GRHL1: variants seen among roughly 807,000 people sequenced by gnomAD.
The protein encoded by GRHL1 is grainyhead-like protein 1 homolog.
GRHL1 carries 38 observed loss-of-function variants against 75.7 expected under a neutral mutation model. That is an observed-to-expected ratio of 0.50 (90% CI 0.39 to 0.66). GRHL1 has a LOEUF of 0.66. Ranked by LOEUF, GRHL1 falls within the 30% of genes least tolerant of loss-of-function variation. GRHL1 has a pLI of 0.00. For missense variants in GRHL1, 589 were observed against 767.5 expected, an observed-to-expected ratio of 0.77 and a Z score of 2.75; for synonymous variants, 266 against 279.4, an observed-to-expected ratio of 0.95 and a Z score of 0.48.
chr2:9,958,484 G>A (rs773011395), intron 2 of GRHL1, among the ~76,000 whole-genome samples: 3 of 143,368 alleles, frequency 2.1e-5, no homozygotes, highest in Admixed American at 2.0e-4. Flanking sequence ...TGTGGCCAGC[G>A]GAGGTATTTT....
intron 10 of GRHL1, among the ~76,000 whole-genome samples, chr2:9,991,630 A>C (rs975813740): frequency 1.3e-5 from 2 of 152,200 alleles, no homozygotes; most frequent in African/African-American, 4.8e-5. Context: ...TTGGAATGTA[A>C]ATTATTTAAT....
intron 12 of GRHL1, among the ~76,000 whole-genome samples, 172 bp from the exon 13 acceptor site, chr2:9,995,707 C>T (rs1043295332): frequency 6.6e-6 from 1 of 152,182 alleles, no homozygotes; most frequent in Non-Finnish European, 1.5e-5. Flanking sequence ...TCCATGAGCC[C>T]TGGAGTCAGG....
chr2:9,951,743 AGCCGCC>A lies in GRHL1; in HGVS notation c.-81_-76del. On this transcript the variant is annotated 5_prime_UTR_variant, in exon 1 of 16. Transcript: ENST00000324907. The surrounding 1 kb of genome is among the most constrained non-coding windows in gnomAD (Gnocchi z 4.2). ...GTCGGGGCCGCCGCTCCGGACCCGC[AGCCGCC>A]GCCGCCGCCTCCTCCCCCCGGATCG... is the stretch of plus-strand genomic sequence containing the variant. 8.1e-7 allele frequency: 1 copy of A among 1,233,064 alleles called. No individual in the cohort carries two copies. The highest frequency in any genetic ancestry group is 1.1e-6 in the Non-Finnish European group (1 of 900,104). 76.4% of individuals were successfully genotyped at this position (1,233,064 alleles called of 1,614,324 possible). A position where few individuals can be genotyped will look rare whatever the true frequency, so the allele number is the denominator to read the frequency against.
intron 12 of GRHL1, among the ~76,000 whole-genome samples, chr2:9,995,540 G>A (rs1432336495): frequency 6.7e-6 from 1 of 149,728 alleles, no homozygotes. Flanking sequence ...ATCCATGATT[G>A]CACCACTGCA....
chr2:9,964,214 G>A lies in GRHL1; in HGVS notation c.904-21G>A, dbSNP rs182044372. 2.7e-6 allele frequency: 4 copies of A among 1,454,546 alleles called. No homozygotes were observed. The African/African-American group carries it at 5.6e-5, about 20-fold the overall frequency. 90.1% of individuals were successfully genotyped at this position (1,454,546 alleles called of 1,614,324 possible). A position where few individuals can be genotyped will look rare whatever the true frequency, so the allele number is the denominator to read the frequency against. On this transcript the variant is annotated intron_variant, in intron 6 of 15. Transcript: ENST00000324907. ...ACTCACCCTTTAGTGTCTTTATGTT[G>A]TAATGCATTCTCTTTCACAGAGTGT...
chr2:9,981,119 T>A (rs1327068244), intron 8 of GRHL1, among the ~76,000 whole-genome samples: 1 of 152,260 alleles, frequency 6.6e-6, no homozygotes. Flanking sequence ...CTTGTGTTTC[T>A]ACACTCGCCA....
At chr2:9,952,090 A>C (rs1666807053) in intron 1 of GRHL1, among the ~76,000 whole-genome samples, 1 of 142,822 alleles carries the variant, frequency 7.0e-6, no homozygotes, top group African/African-American at 2.8e-5. Context: ...TCGACACCGG[A>C]GGGGCCACCC....
intron 5 of GRHL1, among the ~76,000 whole-genome samples, chr2:9,963,308 A>G (rs1188477660): frequency 6.6e-6 from 1 of 152,220 alleles, no homozygotes; most frequent in Non-Finnish European, 1.5e-5. Context: ...GCCATAGGTA[A>G]TGTGTAAACA....
intron 8 of GRHL1, among the ~76,000 whole-genome samples, chr2:9,975,812 G>A (rs1162876469): frequency 6.6e-6 from 1 of 152,050 alleles, no homozygotes; most frequent in Non-Finnish European, 1.5e-5. Flanking sequence ...CTTGAACCCA[G>A]GAGTTGGAGG....
Position 9,986,266 on chromosome 2 carries a change from A to C in GRHL1, c.1253A>C (p.Lys418Thr). ...GTGCACCGGGCCTACTGCCAGATCA[A>C]GGTCTTCTGTGACAAGGTAAGATCG... is the stretch of plus-strand genomic sequence containing the variant. ...KPVHRAYCQI[K>T]VFCDKGAERK... Residue 418 changes from lysine (K) to threonine (T), a missense_variant, in exon 9 of 16, where the codon AAG (lysine) becomes ACG (threonine). Lys to Thr is a moderately conservative substitution (Grantham distance 78). Coordinates refer to ENST00000324907, the MANE Select transcript of GRHL1 (RefSeq NM_198182.3). 7 of 1,613,506 alleles carry C rather than the reference A, an allele frequency of 4.3e-6. No individual in the cohort carries two copies. The highest frequency in any genetic ancestry group is 5.9e-6 in the Non-Finnish European group (7 of 1,179,770).
intron 7 of GRHL1, 164 bp from the exon 8 acceptor site, chr2:9,965,123 T>G: frequency 1.9e-6 from 1 of 534,194 alleles, no homozygotes; most frequent in South Asian, 3.0e-5. Flanking sequence ...AACTCTGTGA[T>G]TCTTTTTCTT....
rs373307970 is a variant in GRHL1 at position 9,986,116 on chromosome 2, C to T, written c.1111-8C>T. ...TGTTGCTTATGGAACCTTCTCTTCC[C>T]TTGGCAGGTTTTCATCTCTGTGAAC... is the stretch of plus-strand genomic sequence containing the variant. On this transcript the variant is annotated splice_region_variant and splice_polypyrimidine_tract_variant and intron_variant, in intron 8 of 15. Coordinates refer to ENST00000324907, the MANE Select transcript of GRHL1 (RefSeq NM_198182.3). 22 of 1,600,346 alleles carry T rather than the reference C, an allele frequency of 1.4e-5. No homozygotes were observed. The African/African-American group carries it at 2.4e-4, about 18-fold the overall frequency.
intron 8 of GRHL1, among the ~76,000 whole-genome samples, chr2:9,973,428 G>T (rs1054999536): frequency 6.6e-6 from 1 of 152,204 alleles, no homozygotes. Flanking sequence ...GGGAAGGAAT[G>T]CTATGATGAT....
At position 9,992,754 on chromosome 2, in the gene GRHL1, A is replaced by G. The variant is rs1001061161; in HGVS notation, c.1462-453A>G. On this transcript the variant is annotated intron_variant, in intron 11 of 15. Transcript: ENST00000324907. The surrounding 1 kb of genome is among the most constrained non-coding windows in gnomAD (Gnocchi z 4.6). ...TTTCATGCACTTTGTGGACAGATTT[A>G]TAAGGACTAAAGATTCGTCAGAGTT... 3.9e-5 allele frequency among the ~76,000 whole-genome samples: 6 copies of G among 152,252 alleles called. No individual in the cohort carries two copies. The highest frequency in any genetic ancestry group is 2.6e-4 in the Admixed American group (4 of 15,284).
rs1227015836 is a variant in GRHL1, at chr2:9,979,151, C to CAAAAA, written c.1111-6961_1111-6957dup. Among the ~76,000 whole-genome samples the CAAAAA allele has an allele frequency of 6.1e-4, 37 of 60,376 alleles. 2 individuals carry two copies. Among genetic ancestry groups the CAAAAA allele is most frequent in the African/African-American group, 1.1e-3 (15 of 14,158 alleles). The allele number at this position is 60,376 out of a possible 152,430, so 39.6% of individuals were successfully genotyped here. On this transcript the variant is annotated intron_variant, in intron 8 of 15. Coordinates refer to ENST00000324907, the MANE Select transcript of GRHL1 (RefSeq NM_198182.3). Reference sequence around the variant, plus strand: ...TTCCAGCCTGGGCAAGACTCTCTCTCAAAAAAAAAAAAAAAAGGAAACCTT... The same window carrying CAAAAA: ...TTCCAGCCTGGGCAAGACTCTCTCTCAAAAAAAAAAAAAAAAAAAAAGGAAACCTT...
chr2:9,971,367 T>C (rs1429510601), intron 8 of GRHL1, among the ~76,000 whole-genome samples: 1 of 152,152 alleles, frequency 6.6e-6, no homozygotes. Context: ...CTACTTGCGA[T>C]TGCAAATGTA....
At chr2:9,956,355 T>A (rs964692816) in intron 2 of GRHL1, among the ~76,000 whole-genome samples, 3 of 151,976 alleles carry the variant, frequency 2.0e-5, no homozygotes, top group African/African-American at 7.2e-5. Context: ...CAAAAATAAA[T>A]AAATAAAAAA....
intron 8 of GRHL1, among the ~76,000 whole-genome samples, chr2:9,969,871 C>T (rs1168536556): frequency 8.3e-6 from 1 of 120,918 alleles, no homozygotes. Flanking sequence ...GAGATGGAGT[C>T]TCACTCTTTC....
At chr2:9,958,305 T>A (rs1667123665) in intron 2 of GRHL1, among the ~76,000 whole-genome samples, 2 of 152,146 alleles carry the variant, frequency 1.3e-5, no homozygotes, top group Non-Finnish European at 2.9e-5. Flanking sequence ...GTCTCTCTTG[T>A]GTAGCTGAGA....
Sources: allele counts gnomAD v4.1 joint callset (sites outside exome capture counted in the v4.1 genomes callset), GRCh38; gene constraint gnomAD v4.1.1; non-coding constraint Gnocchi (gnomAD v3.1); transcripts MANE v1.5; gene names NCBI Gene and HGNC (gene_info 2026-07-23, HGNC 2026-07-21).